Variants in ACOT12 observed in about 807,000 individuals in gnomAD.
The protein encoded by ACOT12 is acetyl-coenzyme A thioesterase.
Under a neutral mutation model 67.7 loss-of-function variants are expected in ACOT12, and 51 were observed. The observed-to-expected ratio is 0.75, with a 90% CI of 0.60 to 0.95. ACOT12 has a LOEUF of 0.95. Ranked by LOEUF, ACOT12 falls within the 40% of genes least tolerant of loss-of-function variation. The pLI, the probability that ACOT12 is intolerant of heterozygous loss-of-function variation, is 0.00. For missense variants in ACOT12, 734 were observed against 708.1 expected (o/e 1.04, Z -0.41); for synonymous variants, 251 against 244.6 (o/e 1.03, Z -0.24).
At chr5:81,366,895 T>A (rs185581818) in intron 3 of ACOT12, among the ~76,000 whole-genome samples, 1 of 152,154 alleles carries the variant, frequency 6.6e-6, no homozygotes, top group African/African-American at 2.4e-5. Flanking sequence ...ACAGTATCAG[T>A]GACCCGTGGA....
the ACOT12 span, among the ~76,000 whole-genome samples, chr5:81,319,971 GAA>G: frequency 1.3e-5 from 2 of 148,518 alleles, no homozygotes; most frequent in East Asian, 3.9e-4. Context: ...CACAGAGAGA[GAA>G]ATTAGGAAGC....
intron 5 of ACOT12, among the ~76,000 whole-genome samples, chr5:81,354,704 CT>C (rs68032491): frequency 3.9e-4 from 58 of 148,414 alleles, no homozygotes; most frequent in Admixed American, 7.4e-4. Context: ...TCAATTATGT[CT>C]TTTTTTTTTT....
At chr5:81,331,999 A>G (rs1376305175) in intron 13 of ACOT12, among the ~76,000 whole-genome samples, 2 of 152,168 alleles carry the variant, frequency 1.3e-5, no homozygotes, top group Non-Finnish European at 2.9e-5. Flanking sequence ...TGTGTGTGGG[A>G]TTATTTGGGA....
the ACOT12 span, among the ~76,000 whole-genome samples, chr5:81,309,566 G>A: frequency 6.6e-6 from 1 of 152,200 alleles, no homozygotes; most frequent in African/African-American, 2.4e-5. Flanking sequence ...CTTTAAGGCG[G>A]AGGTTGTTAT....
downstream of ACOT12, among the ~76,000 whole-genome samples, chr5:81,325,181 A>G (rs1758645569): frequency 6.6e-6 from 1 of 152,148 alleles, no homozygotes; most frequent in Admixed American, 6.6e-5. Context: ...AGGCGCATGG[A>G]TGGGAATAGG....
intron 1 of ACOT12, 117 bp from the exon 2 acceptor site, chr5:81,385,943 T>A: frequency 1.1e-6 from 1 of 875,546 alleles, no homozygotes; most frequent in South Asian, 1.5e-5. Flanking sequence ...TCATTCATTA[T>A]AGCACCACTG....
At chr5:81,337,426 G>A (rs1164092150) in intron 11 of ACOT12, among the ~76,000 whole-genome samples, 1 of 152,146 alleles carries the variant, frequency 6.6e-6, no homozygotes, top group Non-Finnish European at 1.5e-5. Context: ...CCAACCTCCT[G>A]TACCTCAGAA....
intron 2 of ACOT12, among the ~76,000 whole-genome samples, chr5:81,381,563 T>A (rs1760585891): frequency 6.6e-6 from 1 of 152,144 alleles, no homozygotes; most frequent in Non-Finnish European, 1.5e-5. Flanking sequence ...ACACACAGTG[T>A]GTTGAAATTT....
chr5:81,359,144 G>T (rs544358908), intron 5 of ACOT12, among the ~76,000 whole-genome samples: 1 of 152,238 alleles, frequency 6.6e-6, no homozygotes, highest in Non-Finnish European at 1.5e-5. Flanking sequence ...TTGGAGCCAA[G>T]GGTTGCTGAA....
At position 81,344,970 on chromosome 5, in the gene ACOT12, T is replaced by A. The variant is rs1265926997; in HGVS notation, c.845A>T (p.Asn282Ile). The change falls in exon 8 of 15, where the codon AAC (asparagine) becomes ATC (isoleucine). Residue 282 changes from asparagine (N) to isoleucine (I), a missense_variant. Asn to Ile is a moderately radical substitution (Grantham distance 149). Transcript: ENST00000307624. ...EWAEGRGRHI[N>I]SAFLIYNAAD... Reference sequence around the variant, plus strand: ...AGCATTGTAAATGAGAAAAGCACTGTTGATGTGACGCCCTCGGCCCTCGGC... The same window carrying A: ...AGCATTGTAAATGAGAAAAGCACTGATGATGTGACGCCCTCGGCCCTCGGC... 6.2e-7 allele frequency: 1 copy of A among 1,614,086 alleles called. No individual in the cohort carries two copies. The highest frequency in any genetic ancestry group is 1.3e-5 in the African/African-American group (1 of 74,934).
At chr5:81,342,598 C>A in intron 11 of ACOT12, 74 bp downstream of exon 11, 2 of 1,436,444 alleles carry the variant, frequency 1.4e-6, no homozygotes, top group Non-Finnish European at 9.8e-7. Context: ...TCAGTAGAAG[C>A]AGTAGAACCA....
At chr5:81,332,661 C>T (rs1580526227) in intron 12 of ACOT12, 56 bp from the exon 13 acceptor site, 1 of 1,602,020 alleles carries the variant, frequency 6.2e-7, no homozygotes, top group Non-Finnish European at 8.5e-7. Flanking sequence ...CAGGCATTCA[C>T]TTCCCTTATT....
chr5:81,387,633 A>G (rs990217410), intron 1 of ACOT12, among the ~76,000 whole-genome samples: 2 of 151,408 alleles, frequency 1.3e-5, no homozygotes, highest in African/African-American at 4.9e-5. Flanking sequence ...CCTGGGCTCA[A>G]GTGATCTTGC....
In ACOT12 at chr5:81,335,785, C is replaced by A. The variant is rs1418438633; in HGVS notation, c.1245G>T (p.Leu415Phe). ...RLLSDFTKRPLWDPHFVSCEV... is the reference protein window; with the variant it reads ...RLLSDFTKRPFWDPHFVSCEV... Reference sequence around the variant, plus strand: ...GTTCTTACACAAAATGGGGGTCCCACAAAGGTCGCTTTGTAAAGTCAGACA... The same window carrying A: ...GTTCTTACACAAAATGGGGGTCCCAAAAAGGTCGCTTTGTAAAGTCAGACA... Residue 415 changes from leucine (L) to phenylalanine (F), a missense_variant, in exon 12 of 15, where the codon TTG becomes TTT. Transcript: ENST00000307624. The A allele has an allele frequency of 1.9e-6, 3 of 1,609,022 alleles. No individual in the cohort carries two copies. Among genetic ancestry groups the A allele is most frequent in the Non-Finnish European group, 2.5e-6 (3 of 1,178,810 alleles).
intron 1 of ACOT12, among the ~76,000 whole-genome samples, chr5:81,390,617 C>T (rs926501172): frequency 2.0e-5 from 3 of 151,086 alleles, no homozygotes; most frequent in Non-Finnish European, 4.4e-5. Flanking sequence ...GATTCTCCTG[C>T]CTCAGCCTCC....
In ACOT12 at chr5:81,394,064, C is replaced by T. The variant is rs1282052983; in HGVS notation, c.51G>A (p.Pro17=). Residue 17 remains proline (P), a synonymous_variant, in exon 1 of 15, where the codon CCG becomes CCA. Coordinates refer to ENST00000307624, the MANE Select transcript of ACOT12 (RefSeq NM_130767.3). ...GCTCGCCGCGCGCAGTGGCGTGCGC[C>T]GGCTGGATGGCTTGGCTCATGACCA... The part of the protein sequence containing the change: ...GEVVMSQAIQ[P]AHATARGELS... The T allele has an allele frequency of 1.1e-5, 16 of 1,473,268 alleles. No individual in the cohort carries two copies. Among genetic ancestry groups the T allele is most frequent in the African/African-American group, 1.5e-5 (1 of 68,872 alleles). 91.3% of individuals were successfully genotyped at this position (1,473,268 alleles called of 1,614,324 possible).
chr5:81,348,498 G>A (rs142600080), intron 5 of ACOT12, among the ~76,000 whole-genome samples: 4 of 152,226 alleles, frequency 2.6e-5, no homozygotes, highest in East Asian at 3.9e-4. Flanking sequence ...GGCCTCCTGC[G>A]GAAACTGTTT....
chr5:81,353,995 G>A (rs990289075), intron 5 of ACOT12, among the ~76,000 whole-genome samples: 4 of 152,206 alleles, frequency 2.6e-5, no homozygotes, highest in Admixed American at 6.5e-5. Flanking sequence ...ATACTACACA[G>A]CGGCTTTAAA....
chr5:81,332,456 AC>A lies in ACOT12; in HGVS notation c.1391+20del. 1.2e-6 allele frequency: 2 copies of A among 1,613,176 alleles called. No homozygotes were observed. On this transcript the variant is annotated intron_variant, in intron 13 of 14. Transcript: ENST00000307624. ...CTATACTATGAAATATTAATAGAAC[AC>A]TTGGACTGCATATACTCACCCATCT...
Sources: gnomAD v4.1 joint callset for allele counts (sites outside exome capture counted in the v4.1 genomes callset) on GRCh38, gnomAD v4.1.1 for gene constraint, MANE v1.5 for transcripts, NCBI Gene and HGNC (gene_info 2026-07-23, HGNC 2026-07-21) for gene names.